Variants in MARK1 observed in about 807,000 individuals in gnomAD.
The protein encoded by MARK1 is serine/threonine-protein kinase MARK1.
In MARK1, 40 loss-of-function variants were observed where a neutral mutation model predicts 96.3. The ratio of observed to expected loss-of-function variants is 0.42; its 90% CI spans 0.32 to 0.54. The LOEUF (loss-of-function observed/expected upper bound fraction) is 0.54. Ranked by LOEUF, MARK1 falls within the 20% of genes least tolerant of loss-of-function variation. MARK1 has a pLI of 0.16. For synonymous variants in MARK1, 317 were observed against 341.2 expected (o/e 0.93, Z 0.78); for missense variants, 719 against 984.6 (o/e 0.73, Z 3.61).
At position 220,652,143 on chromosome 1, in the gene MARK1, CG is replaced by C; in HGVS notation, c.1731del (p.Pro578LeufsTer75). 6.2e-7 allele frequency: 1 copy of C among 1,600,634 alleles called. No homozygotes were observed. Among genetic ancestry groups the C allele is most frequent in the Non-Finnish European group, 8.6e-7 (1 of 1,169,126 alleles). Reference protein sequence around the residue: ...PTIKDGSEAYRPGTTQRVPAA... With the variant: ...PTIKDGSEAYXPGTTQRVPAA... ...CATTAAAGACGGCTCTGAAGCTTAC[CG>C]GCCTGGGTAATGTGTTGGTTACATC... On this transcript the variant is annotated frameshift_variant, in exon 15 of 18. Transcript: ENST00000366917. LOFTEE classifies it high-confidence loss of function.
intron 1 of MARK1, among the ~76,000 whole-genome samples, chr1:220,572,986 A>G (rs1214446502): frequency 6.6e-6 from 1 of 152,136 alleles, no homozygotes; most frequent in Admixed American, 6.5e-5. Flanking sequence ...TCCATTGTTG[A>G]TTAATGAGAA....
intron 4 of MARK1, among the ~76,000 whole-genome samples, chr1:220,599,307 T>C (rs939496790): frequency 6.6e-6 from 1 of 152,154 alleles, no homozygotes; most frequent in African/African-American, 2.4e-5. Context: ...ATATAGTTGT[T>C]AAAGTATTTA....
chr1:220,558,791 A>G (rs1242332927), intron 1 of MARK1, among the ~76,000 whole-genome samples: 1 of 152,104 alleles, frequency 6.6e-6, no homozygotes, highest in Non-Finnish European at 1.5e-5. Context: ...GAATAAGCAA[A>G]ACTTGAACAA....
chr1:220,569,824 G>T (rs1663316682), intron 1 of MARK1, among the ~76,000 whole-genome samples: 1 of 152,030 alleles, frequency 6.6e-6, no homozygotes, highest in South Asian at 2.1e-4. Flanking sequence ...GTCACAGTTT[G>T]TGATGTGTTT....
chr1:220,547,328 C>T (rs1484241069), intron 1 of MARK1, among the ~76,000 whole-genome samples: 1 of 152,164 alleles, frequency 6.6e-6, no homozygotes, highest in East Asian at 1.9e-4. Flanking sequence ...TGTTAACTAC[C>T]AGTGCCCAAA....
chr1:220,554,744 A>G (rs1662129355), intron 1 of MARK1, among the ~76,000 whole-genome samples: 2 of 152,230 alleles, frequency 1.3e-5, no homozygotes, highest in African/African-American at 4.8e-5. Flanking sequence ...TGTAATTGGC[A>G]TAACCAACTT....
At chr1:220,588,082 C>CTTA (rs1664766487) in intron 3 of MARK1, among the ~76,000 whole-genome samples, 1 of 152,154 alleles carries the variant, frequency 6.6e-6, no homozygotes, top group African/African-American at 2.4e-5. Flanking sequence ...TTTTGCCAAC[C>CTTA]TTATGGGTGT....
chr1:220,564,471 G>A lies in MARK1; in HGVS notation c.52-14883G>A, dbSNP rs192087564. Among the ~76,000 whole-genome samples, 8 of 152,122 alleles carry A rather than the reference G, an allele frequency of 5.3e-5. No homozygotes were observed. The East Asian group carries it at 1.2e-3, about 22-fold the overall frequency. ...ATACAATTAATTATTTAATTATAGC[G>A]ATAATTGTTAAGAAGGTAAAAACCA... On this transcript the variant is annotated intron_variant, in intron 1 of 17. Coordinates refer to ENST00000366917, the MANE Select transcript of MARK1 (RefSeq NM_018650.5).
intron 9 of MARK1, among the ~76,000 whole-genome samples, chr1:220,622,593 T>C (rs1469433011): frequency 6.6e-6 from 1 of 152,230 alleles, no homozygotes; most frequent in Non-Finnish European, 1.5e-5. Flanking sequence ...CTAAATTCCA[T>C]ATTTTTAAAA....
intron 2 of MARK1, 25 bp from the exon 3 acceptor site, chr1:220,581,040 G>T: frequency 1.9e-6 from 2 of 1,052,064 alleles, no homozygotes; most frequent in South Asian, 5.2e-5. Flanking sequence ...TTTTCAAATA[G>T]AGTTTAATGA....
chr1:220,584,559 A>G (rs1328568516), intron 3 of MARK1, among the ~76,000 whole-genome samples: 1 of 152,236 alleles, frequency 6.6e-6, no homozygotes, highest in African/African-American at 2.4e-5. Context: ...GGCCTAAGCC[A>G]TTAAACTTTT....
intron 17 of MARK1, among the ~76,000 whole-genome samples, chr1:220,660,129 C>T (rs1453608058): frequency 3.3e-5 from 5 of 152,146 alleles, no homozygotes; most frequent in Non-Finnish European, 7.3e-5. Context: ...AATGAGTGCT[C>T]AGTCAACTGA....
intron 1 of MARK1, among the ~76,000 whole-genome samples, chr1:220,577,473 C>T (rs1347736659): frequency 6.6e-6 from 1 of 152,192 alleles, no homozygotes; most frequent in Non-Finnish European, 1.5e-5. Flanking sequence ...GTATTTTACT[C>T]CTTCTTACAT....
At chr1:220,543,946 C>T (rs1661315070) in intron 1 of MARK1, among the ~76,000 whole-genome samples, 1 of 151,964 alleles carries the variant, frequency 6.6e-6, no homozygotes, top group South Asian at 2.1e-4. Context: ...TGTAATTAAC[C>T]TCATATTATG....
intron 1 of MARK1, among the ~76,000 whole-genome samples, chr1:220,547,742 AT>A (rs1661598640): frequency 6.6e-6 from 1 of 151,928 alleles, no homozygotes; most frequent in Admixed American, 6.5e-5. Context: ...ATTTTTTTGT[AT>A]TTTTAGTAGA....
At chr1:220,547,615 A>T (rs1661589482) in intron 1 of MARK1, among the ~76,000 whole-genome samples, 1 of 151,976 alleles carries the variant, frequency 6.6e-6, no homozygotes, top group Non-Finnish European at 1.5e-5. Flanking sequence ...CCCAGGCTGG[A>T]GTGCAGTGGT....
rs1235171768 is a variant in MARK1 at position 220,661,982 on chromosome 1, A to C, written c.2204A>C (p.Lys735Thr). The change falls in exon 18 of 18, where the codon AAA becomes ACA. Residue 735 changes from lysine to threonine, a missense_variant. By Grantham distance (78) the Lys-to-Thr change is moderately conservative (BLOSUM62 -1). Around this residue, in one of 4 missense-constraint regions of MARK1, gnomAD observed 501 missense variants for 588.3 expected, o/e 0.85. Coordinates refer to ENST00000366917, the MANE Select transcript of MARK1 (RefSeq NM_018650.5). ...LDANNCDYEQ[K>T]ERFLLFCVHG... ...GCAAATAACTGTGATTATGAGCAAAAAGAGAGATTTTTGCTTTTCTGTGTC... is the reference window on the plus strand; with the variant it reads ...GCAAATAACTGTGATTATGAGCAAACAGAGAGATTTTTGCTTTTCTGTGTC... 1.2e-6 allele frequency: 2 copies of C among 1,614,100 alleles called. No homozygotes were observed. The highest frequency in any genetic ancestry group is 3.3e-5 in the Admixed American group (2 of 60,002).
At chr1:220,585,380 T>TA (rs1005853205) in intron 3 of MARK1, among the ~76,000 whole-genome samples, 7 of 152,170 alleles carry the variant, frequency 4.6e-5, no homozygotes, top group African/African-American at 1.4e-4. Flanking sequence ...TTAAAGGTGA[T>TA]ACCAATAATA....
intron 1 of MARK1, among the ~76,000 whole-genome samples, chr1:220,573,191 G>A (rs571422394): frequency 6.6e-6 from 1 of 151,960 alleles, no homozygotes; most frequent in Non-Finnish European, 1.5e-5. Flanking sequence ...CAGTTTGGAG[G>A]AATTGTATGG....
Sources: gnomAD v4.1 joint callset for allele counts (sites outside exome capture counted in the v4.1 genomes callset) on GRCh38, gnomAD v4.1.1 for gene constraint, gnomAD v4.1.1 regional missense constraint, MANE v1.5 for transcripts, NCBI Gene and HGNC (gene_info 2026-07-23, HGNC 2026-07-21) for gene names.